Variants in ARHGAP12 observed in about 807,000 individuals in gnomAD.
The protein encoded by ARHGAP12 is rho GTPase-activating protein 12.
A neutral mutation model predicts 108.6 loss-of-function variants in ARHGAP12; 64 were observed. The observed-to-expected ratio is 0.59, with a 90% CI of 0.48 to 0.73. The LOEUF (loss-of-function observed/expected upper bound fraction) is 0.73. Ranked by LOEUF, ARHGAP12 falls within the 30% of genes least tolerant of loss-of-function variation. The pLI is 0.00. For missense variants in ARHGAP12, 940 were observed against 1,005.9 expected (o/e 0.93, Z 0.89); for synonymous variants, 312 against 337.2 (o/e 0.93, Z 0.82).
chr10:31,919,440 T>C (rs1839696806), intron 1 of ARHGAP12, among the ~76,000 whole-genome samples: 1 of 152,212 alleles, frequency 6.6e-6, no homozygotes, highest in African/African-American at 2.4e-5. Flanking sequence ...CTTATACCCA[T>C]CTACTCAAAA....
At chr10:31,890,403 G>T (rs1401666301) in intron 3 of ARHGAP12, among the ~76,000 whole-genome samples, 1 of 152,122 alleles carries the variant, frequency 6.6e-6, no homozygotes, top group African/African-American at 2.4e-5. Context: ...CTGAGGATTA[G>T]GTTTTCTAAT....
chr10:31,814,321 T>G lies in ARHGAP12; in HGVS notation c.1772A>C (p.Asp591Ala), dbSNP rs1481966281. Residue 591 changes from aspartate (D) to alanine (A), a missense_variant, in exon 14 of 20, where the codon GAT (aspartate) becomes GCT (alanine). Asp to Ala is a moderately radical substitution (Grantham distance 126). Coordinates refer to ENST00000344936, the MANE Select transcript of ARHGAP12 (RefSeq NM_018287.7). ...TDEGIEEEIP[D>A]SPGIEKHDKE... ...ATCATGCTTTTCTATTCCTGGTGAA[T>G]CCGGTATCTCCTCTTCAATTCCTTC... is the stretch of plus-strand genomic sequence containing the variant. The G allele has an allele frequency of 6.2e-7, 1 of 1,613,996 alleles. No individual in the cohort carries two copies. Among genetic ancestry groups the G allele is most frequent in the Non-Finnish European group, 8.5e-7 (1 of 1,179,980 alleles).
At chr10:31,925,120 T>G (rs963957033) in intron 1 of ARHGAP12, among the ~76,000 whole-genome samples, 2 of 152,148 alleles carry the variant, frequency 1.3e-5, no homozygotes, top group Admixed American at 1.3e-4. Flanking sequence ...CTGGGAGAAT[T>G]AAGTAAATGT....
intron 12 of ARHGAP12, among the ~76,000 whole-genome samples, chr10:31,818,256 A>G (rs1835281659): frequency 6.6e-6 from 1 of 152,212 alleles, no homozygotes; most frequent in African/African-American, 2.4e-5. Context: ...AAAATCTATG[A>G]CATTTTTACA....
intron 3 of ARHGAP12, among the ~76,000 whole-genome samples, chr10:31,897,673 A>C (rs1838756775): frequency 6.6e-6 from 1 of 152,086 alleles, no homozygotes; most frequent in Non-Finnish European, 1.5e-5. Context: ...CCAATACCCC[A>C]CTTCAGTTCC....
chr10:31,815,132 A>AG (rs1271264821), intron 13 of ARHGAP12, among the ~76,000 whole-genome samples: 1 of 151,210 alleles, frequency 6.6e-6, no homozygotes. Flanking sequence ...AAAAAAAAAA[A>AG]AAAAGAAAGA....
intron 3 of ARHGAP12, among the ~76,000 whole-genome samples, chr10:31,903,933 C>A (rs1221086445): frequency 1.3e-5 from 2 of 152,076 alleles, no homozygotes; most frequent in East Asian, 3.8e-4. Context: ...ATCAGAATGG[C>A]TAAAATAAAA....
intron 18 of ARHGAP12, 26 bp downstream of exon 18, chr10:31,808,968 A>G (rs771604023): frequency 1.9e-6 from 3 of 1,541,812 alleles, no homozygotes; most frequent in African/African-American, 1.4e-5. Flanking sequence ...ATATCTAGAA[A>G]AAACTGAGTA....
intron 6 of ARHGAP12, among the ~76,000 whole-genome samples, chr10:31,849,056 T>C (rs932465971): frequency 6.6e-6 from 1 of 151,500 alleles, no homozygotes; most frequent in African/African-American, 2.4e-5. Flanking sequence ...AGACTCGTCT[T>C]TAAAAAAAAA....
At chr10:31,870,327 T>C (rs1415251419) in intron 3 of ARHGAP12, among the ~76,000 whole-genome samples, 1 of 151,926 alleles carries the variant, frequency 6.6e-6, no homozygotes, top group Non-Finnish European at 1.5e-5. Context: ...CCTCCTGCGT[T>C]CAAGCAAATT....
intron 4 of ARHGAP12, 125 bp downstream of exon 4, chr10:31,861,270 T>C (rs1050892156): frequency 3.4e-6 from 4 of 1,164,964 alleles, no homozygotes; most frequent in Non-Finnish European, 4.8e-6. Context: ...GAATTTTTAA[T>C]GATCTTAGAG....
At chr10:31,844,258 T>G (rs2132240938) in intron 6 of ARHGAP12, among the ~76,000 whole-genome samples, 1 of 152,326 alleles carries the variant, frequency 6.6e-6, no homozygotes, top group South Asian at 2.1e-4. Context: ...ATAGTAGGCT[T>G]CTGAGTCTTG....
In ARHGAP12 at chr10:31,894,614, G is replaced by T. The variant is rs561189677; in HGVS notation, c.684+13558C>A. On this transcript the variant is annotated intron_variant, in intron 3 of 19. Coordinates refer to ENST00000344936, the MANE Select transcript of ARHGAP12 (RefSeq NM_018287.7). ...AAATAAAAGAGGATACAAACAAATG[G>T]AAGAACATTCCATGCTCATGGATAG... is the stretch of plus-strand genomic sequence containing the variant. Among the ~76,000 whole-genome samples the T allele has an allele frequency of 6.7e-3, 1,015 of 152,288 alleles. 9 individuals carry two copies. Among genetic ancestry groups the T allele is most frequent in the African/African-American group, 0.024 (977 of 41,552 alleles).
rs752115644 is a variant in ARHGAP12, at chr10:31,861,521, A to G, written c.822T>C (p.His274=). Reference sequence around the variant, plus strand: ...AATAGCAACGCCCTGAGCTGTCTTTATGAGTTTCCCATTCTCCATTAATCT... The same window carrying G: ...AATAGCAACGCCCTGAGCTGTCTTTGTGAGTTTCCCATTCTCCATTAATCT... The part of the protein sequence containing the change: ...AIQINGEWET[H]KDSSGRCYYY... Residue 274 remains histidine (H), a synonymous_variant, in exon 4 of 20, where the codon CAT becomes CAC. Transcript: ENST00000344936. The G allele has an allele frequency of 7.4e-6, 12 of 1,613,962 alleles. No homozygotes were observed. The South Asian group carries it at 9.9e-5, about 13-fold the overall frequency.
At chr10:31,910,894 G>A (rs1839315315) in intron 1 of ARHGAP12, among the ~76,000 whole-genome samples, 1 of 152,314 alleles carries the variant, frequency 6.6e-6, no homozygotes, top group East Asian at 1.9e-4. Flanking sequence ...ATAAAACTGT[G>A]AGGATGAAAT....
chr10:31,874,455 A>T (rs972535958), intron 3 of ARHGAP12, among the ~76,000 whole-genome samples: 2 of 152,214 alleles, frequency 1.3e-5, no homozygotes, highest in Non-Finnish European at 2.9e-5. Context: ...CTACTTGGGT[A>T]ATCTATTTTA....
rs761961924 is a variant in ARHGAP12, at chr10:31,861,611, A to G, written c.732T>C (p.Ala244=). 1.9e-6 allele frequency: 3 copies of G among 1,613,446 alleles called. No homozygotes were observed. In the East Asian group the frequency reaches 6.7e-5, roughly 36 times the overall value. The part of the protein sequence containing the change: ...NQGRPDSPVY[A]NLQELKISQS... Reference sequence around the variant, plus strand: ...GGGATATTTTCAGTTCTTGAAGGTTAGCATAGACAGGAGAATCTGGCCTTC... The same window carrying G: ...GGGATATTTTCAGTTCTTGAAGGTTGGCATAGACAGGAGAATCTGGCCTTC... Residue 244 remains alanine, a synonymous_variant, in exon 4 of 20, where the codon GCT becomes GCC. Transcript: ENST00000344936.
intron 11 of ARHGAP12, among the ~76,000 whole-genome samples, chr10:31,823,436 G>A (rs543983663): frequency 2.0e-5 from 3 of 150,628 alleles, no homozygotes; most frequent in South Asian, 2.1e-4. Flanking sequence ...TGCAGCCTAC[G>A]TGCATTTCAT....
rs928746043 is a variant in ARHGAP12, at chr10:31,843,658, T to C, written c.1171-72A>G. The C allele has an allele frequency of 5.9e-5, 87 of 1,467,546 alleles. No individual in the cohort carries two copies. The East Asian group carries it at 2.0e-3, about 33-fold the overall frequency. 90.9% of individuals were successfully genotyped at this position (1,467,546 alleles called of 1,614,324 possible). A position where few individuals can be genotyped will look rare whatever the true frequency, so the allele number is the denominator to read the frequency against. On this transcript the variant is annotated intron_variant, in intron 6 of 19. Coordinates refer to ENST00000344936, the MANE Select transcript of ARHGAP12 (RefSeq NM_018287.7). ...TAGAAATGAAAGTGGAATCTAAACATCTTGGCTCCAAATGACAAAGACTGT... is the reference window on the plus strand; with the variant it reads ...TAGAAATGAAAGTGGAATCTAAACACCTTGGCTCCAAATGACAAAGACTGT...
Sources: allele counts gnomAD v4.1 joint callset (sites outside exome capture counted in the v4.1 genomes callset), GRCh38; gene constraint gnomAD v4.1.1; transcripts MANE v1.5; gene names NCBI Gene and HGNC (gene_info 2026-07-23, HGNC 2026-07-21).